Variants in PHLPP1 observed in about 807,000 individuals in gnomAD.
PHLPP1 encodes the protein PH domain and leucine rich repeat protein phosphatase 1.
Under a neutral mutation model 117.2 loss-of-function variants are expected in PHLPP1, and 42 were observed. The observed-to-expected ratio is 0.36, with a 90% CI of 0.28 to 0.46. The LOEUF (loss-of-function observed/expected upper bound fraction) is 0.46, where lower values mean the gene tolerates loss of function less well. Among genes scored for constraint, PHLPP1 ranks in the 20% least tolerant of loss-of-function variants. The pLI, the probability that PHLPP1 is intolerant of heterozygous loss-of-function variation, is 1.00. For synonymous variants in PHLPP1, 1,042 were observed against 970.7 expected, an observed-to-expected ratio of 1.07 and a Z score of -1.37; for missense variants, 2,084 against 2,241.9, an observed-to-expected ratio of 0.93 and a Z score of 1.42.
chr18:62,925,584 A>G (rs959867094), intron 10 of PHLPP1, among the ~76,000 whole-genome samples: 2 of 150,670 alleles, frequency 1.3e-5, no homozygotes, highest in Non-Finnish European at 2.9e-5. Context: ...TGATCGATTG[A>G]CCATGACAAC....
At chr18:62,942,648 G>A (rs1230130614) in intron 11 of PHLPP1, among the ~76,000 whole-genome samples, 1 of 152,088 alleles carries the variant, frequency 6.6e-6, no homozygotes, top group Non-Finnish European at 1.5e-5. Flanking sequence ...CCTGCCGTGA[G>A]GATTTACCGT....
Position 62,916,747 on chromosome 18 carries a change from C to CTTTTTTTTT in PHLPP1, c.2804+1755_2804+1763dup, listed in dbSNP as rs10538704. Among the ~76,000 whole-genome samples, 684 of 71,094 alleles carry CTTTTTTTTT rather than the reference C, an allele frequency of 9.6e-3. 16 individuals are homozygous for CTTTTTTTTT. The highest frequency in any genetic ancestry group is 0.014 in the East Asian group (30 of 2,212). The allele number at this position is 71,094 out of a possible 152,430, so 46.6% of individuals were successfully genotyped here. A position where few individuals can be genotyped will look rare whatever the true frequency, so the allele number is the denominator to read the frequency against. On this transcript the variant is annotated intron_variant, in intron 9 of 16. Coordinates refer to ENST00000262719, the MANE Select transcript of PHLPP1 (RefSeq NM_194449.4). ...TTCTTCTATTTTCTTTCCTTCTATT[C>CTTTTTTTTT]TTTTTTTTTTTTTTTTTTTTTTTTG... is the stretch of plus-strand genomic sequence containing the variant.
chr18:62,905,204 GTT>G lies in PHLPP1; in HGVS notation c.2648-10_2648-9del, dbSNP rs3217528. 4.0e-4 allele frequency: 512 copies of G among 1,293,830 alleles called. No homozygotes were observed. The highest frequency in any genetic ancestry group is 8.0e-4 in the South Asian group (48 of 59,728). The allele number at this position is 1,293,830 out of a possible 1,614,324, so 80.1% of individuals were successfully genotyped here. On this transcript the variant is annotated intron_variant, in intron 7 of 16. Transcript: ENST00000262719. The stretch of plus-strand genomic sequence containing the variant: ...ATTTGTATAGTAATGTCTTTGTGGG[GTT>G]TTTTTTTTTCTTCCTAGAACTTGTT...
intron 3 of PHLPP1, among the ~76,000 whole-genome samples, chr18:62,841,331 C>CTTT (rs1048275193): frequency 3.3e-4 from 43 of 128,546 alleles, no homozygotes; most frequent in African/African-American, 4.7e-4. Flanking sequence ...TTCTTTCTCT[C>CTTT]TTTTTTTTTT....
rs538611861 is a variant in PHLPP1 at position 62,781,104 on chromosome 18, T to C, written c.1577-48931T>C. On this transcript the variant is annotated intron_variant, in intron 1 of 16. Transcript: ENST00000262719. ...TACCACTTATTTGACTATTTGAGTTTGGGAAAACTATGTAACTCTTCTAAA... is the reference window on the plus strand; with the variant it reads ...TACCACTTATTTGACTATTTGAGTTCGGGAAAACTATGTAACTCTTCTAAA... 6.3e-4 allele frequency among the ~76,000 whole-genome samples: 96 copies of C among 152,330 alleles called. 1 individual carries two copies. In the South Asian group the frequency reaches 0.019, roughly 31 times the overall value.
Position 62,716,019 on chromosome 18 carries a change from C to G in PHLPP1, c.336C>G (p.Ala112=). The change falls in exon 1 of 17, where the codon GCC becomes GCG. Residue 112 remains alanine (A), a synonymous_variant. Coordinates refer to ENST00000262719, the MANE Select transcript of PHLPP1 (RefSeq NM_194449.4). This position sits in a 1 kb window ranked among gnomAD's most constrained non-coding sequence, Gnocchi z 5.7. ...IAGGAAPVPG[A]GGGANSLLLR... ...GCGGGGCTGCCCCCGTACCCGGGGC[C>G]GGCGGCGGCGCCAACTCCCTCCTGC... The G allele has an allele frequency of 2.2e-6, 3 of 1,388,440 alleles. No individual in the cohort carries two copies. Among genetic ancestry groups the G allele is most frequent in the Non-Finnish European group, 2.8e-6 (3 of 1,080,124 alleles). 86.0% of individuals were successfully genotyped at this position (1,388,440 alleles called of 1,614,324 possible). A position where few individuals can be genotyped will look rare whatever the true frequency, so the allele number is the denominator to read the frequency against.
intron 3 of PHLPP1, among the ~76,000 whole-genome samples, chr18:62,842,077 A>G (rs1169118083): frequency 6.6e-6 from 1 of 152,238 alleles, no homozygotes; most frequent in Non-Finnish European, 1.5e-5. Flanking sequence ...TATGCATATA[A>G]TAGATTTATA....
chr18:62,720,428 C>T (rs934389769), intron 1 of PHLPP1, among the ~76,000 whole-genome samples: 4 of 152,152 alleles, frequency 2.6e-5, no homozygotes, highest in African/African-American at 9.7e-5. Flanking sequence ...TAGTGAATCT[C>T]GGACAAGGTA....
At chr18:62,749,350 A>G (rs1456576705) in intron 1 of PHLPP1, among the ~76,000 whole-genome samples, 2 of 152,148 alleles carry the variant, frequency 1.3e-5, no homozygotes, top group Non-Finnish European at 2.9e-5. Flanking sequence ...AGAATTTACT[A>G]CAATATGGAA....
intron 3 of PHLPP1, among the ~76,000 whole-genome samples, chr18:62,852,305 T>C (rs1424573564): frequency 6.6e-6 from 1 of 152,176 alleles, no homozygotes; most frequent in Non-Finnish European, 1.5e-5. Context: ...TATGCTTTTA[T>C]TGGAACATTA....
chr18:62,905,821 A>G (rs765697488), intron 8 of PHLPP1, among the ~76,000 whole-genome samples: 1 of 152,196 alleles, frequency 6.6e-6, no homozygotes, highest in Non-Finnish European at 1.5e-5. Context: ...CTTTTTGAAT[A>G]TGCTAACTAT....
chr18:62,809,658 C>T (rs180798377), intron 1 of PHLPP1, among the ~76,000 whole-genome samples: 23 of 151,934 alleles, frequency 1.5e-4, no homozygotes, highest in Admixed American at 9.8e-4. Context: ...GCTGAGATTG[C>T]GCCACTGCAC....
intron 4 of PHLPP1, among the ~76,000 whole-genome samples, chr18:62,881,067 T>C (rs1408226800): frequency 6.6e-6 from 1 of 152,204 alleles, no homozygotes; most frequent in Non-Finnish European, 1.5e-5. Context: ...TTTGTTTGTT[T>C]GAATTATTTT....
intron 15 of PHLPP1, among the ~76,000 whole-genome samples, chr18:62,974,120 T>G (rs1455174691): frequency 4.6e-5 from 7 of 152,144 alleles, no homozygotes; most frequent in Non-Finnish European, 1.0e-4. Context: ...GGGTAAGAAT[T>G]AAAAACTGAG....
chr18:62,941,961 A>C lies in PHLPP1; in HGVS notation c.3161+43A>C, dbSNP rs765277485. On this transcript the variant is annotated intron_variant, in intron 11 of 16. Coordinates refer to ENST00000262719, the MANE Select transcript of PHLPP1 (RefSeq NM_194449.4). ...AGCTGCGTTCTGAATTGCATTTCTC[A>C]AAGTGTATTCATAGAAAGGTGAAGG... is the stretch of plus-strand genomic sequence containing the variant. 1.9e-5 allele frequency: 28 copies of C among 1,468,886 alleles called. No homozygotes were observed. The Admixed American group carries it at 4.9e-4, about 26-fold the overall frequency. 91.0% of individuals were successfully genotyped at this position (1,468,886 alleles called of 1,614,324 possible). A position where few individuals can be genotyped will look rare whatever the true frequency, so the allele number is the denominator to read the frequency against.
rs1227011441 is a variant in PHLPP1 at position 62,876,578 on chromosome 18, A to C, written c.2066+15977A>C. 2.6e-5 allele frequency among the ~76,000 whole-genome samples: 4 copies of C among 152,238 alleles called. No homozygotes were observed. The East Asian group carries it at 5.8e-4, about 22-fold the overall frequency. On this transcript the variant is annotated intron_variant, in intron 4 of 16. Transcript: ENST00000262719. ...GAACTGAATTGTTGGTTTTCCCACC[A>C]CCAAGGATAATCAAAATAATGTGAT...
At chr18:62,914,384 T>C (rs749612012) in intron 8 of PHLPP1, among the ~76,000 whole-genome samples, 2 of 152,214 alleles carry the variant, frequency 1.3e-5, no homozygotes, top group Non-Finnish European at 2.9e-5. Context: ...ACTGTTTTTT[T>C]AGACTTTAGA....
At chr18:62,962,233 G>A (rs1002591853) in intron 13 of PHLPP1, among the ~76,000 whole-genome samples, 1 of 152,178 alleles carries the variant, frequency 6.6e-6, no homozygotes, top group Non-Finnish European at 1.5e-5. Flanking sequence ...CTGTTTAGGG[G>A]CACAGAATGC....
chr18:62,866,097 T>G (rs1340567803), intron 4 of PHLPP1, among the ~76,000 whole-genome samples: 1 of 152,178 alleles, frequency 6.6e-6, no homozygotes. Context: ...ATGGGGATGT[T>G]AACTGCCAAA....
Sources: allele counts gnomAD v4.1 joint callset (sites outside exome capture counted in the v4.1 genomes callset), GRCh38; gene constraint gnomAD v4.1.1; non-coding constraint Gnocchi (gnomAD v3.1); transcripts MANE v1.5; gene names NCBI Gene and HGNC (gene_info 2026-07-23, HGNC 2026-07-21).